Variants in TPO observed in about 807,000 individuals in gnomAD.
TPO encodes the protein thyroid peroxidase.
Under a neutral mutation model 96.9 loss-of-function variants are expected in TPO, and 78 were observed. The ratio of observed to expected loss-of-function variants is 0.81; its 90% CI spans 0.67 to 0.97. The LOEUF (loss-of-function observed/expected upper bound fraction) is 0.97, where lower values mean the gene tolerates loss of function less well. TPO is among the 50% of genes least tolerant of loss of function. The pLI, the probability that TPO is intolerant of heterozygous loss-of-function variation, is 0.00. For missense variants in TPO, 1,252 were observed against 1,274.8 expected (o/e 0.98, Z 0.27); for synonymous variants, 547 against 538.0 (o/e 1.02, Z -0.23).
chr2:1,480,096 T>C (rs572027937), intron 8 of TPO, among the ~76,000 whole-genome samples: 3 of 152,234 alleles, frequency 2.0e-5, no homozygotes, highest in Non-Finnish European at 4.4e-5. Context: ...TTTCTTATTA[T>C]TAATGAAATA....
At position 1,425,842 on chromosome 2, in the gene TPO, A is replaced by G. The variant is rs1216373318; in HGVS notation, c.179+2713A>G. On this transcript the variant is annotated intron_variant, in intron 3 of 16. Coordinates refer to ENST00000329066, the MANE Select transcript of TPO (RefSeq NM_001206744.2). ...CTGTAAAGTCATTGTTCTAGATGCC[A>G]GGATACAGAGATGAGTTCGATCATT... Among the ~76,000 whole-genome samples the G allele has an allele frequency of 3.4e-4, 51 of 149,328 alleles. 1 individual carries two copies. The highest frequency in any genetic ancestry group is 1.1e-3 in the South Asian group (5 of 4,586).
At chr2:1,500,632 A>G (rs568179380) in intron 13 of TPO, among the ~76,000 whole-genome samples, 2 of 152,304 alleles carry the variant, frequency 1.3e-5, no homozygotes, top group African/African-American at 4.8e-5. Flanking sequence ...TCTCTTCTCT[A>G]TTCAAATTCT....
intron 6 of TPO, among the ~76,000 whole-genome samples, chr2:1,455,565 C>T (rs765842443): frequency 3.9e-5 from 6 of 152,146 alleles, no homozygotes; most frequent in South Asian, 2.1e-4. Flanking sequence ...CCTGGCGGAA[C>T]GGTGTTAAAC....
At chr2:1,509,973 C>A (rs767760228) in intron 14 of TPO, among the ~76,000 whole-genome samples, 4 of 148,514 alleles carry the variant, frequency 2.7e-5, no homozygotes, top group Middle Eastern at 7.7e-3. Context: ...GATACCCTCT[C>A]GTTTCAGGGA....
At chr2:1,391,185 T>C (rs1661995065) in intron 1 of TPO, among the ~76,000 whole-genome samples, 2 of 152,218 alleles carry the variant, frequency 1.3e-5, no homozygotes, top group Admixed American at 1.3e-4. Context: ...AAGTCTTTAA[T>C]CCATCTTGAA....
intron 1 of TPO, among the ~76,000 whole-genome samples, chr2:1,390,606 C>G (rs946564945): frequency 6.6e-6 from 1 of 152,222 alleles, no homozygotes; most frequent in Admixed American, 6.5e-5. Flanking sequence ...GATCGCCACA[C>G]TGTCTTCCAC....
At chr2:1,478,269 C>T in intron 8 of TPO, 1 of 985,460 alleles carries the variant, frequency 1.0e-6, no homozygotes, top group Non-Finnish European at 1.2e-6. Flanking sequence ...AATGCGGTCC[C>T]TGACTCTAGG....
chr2:1,401,001 T>A (rs567091033), intron 1 of TPO, among the ~76,000 whole-genome samples: 2 of 152,356 alleles, frequency 1.3e-5, no homozygotes, highest in South Asian at 4.1e-4. Flanking sequence ...CATAGTCTCC[T>A]GTGCTGACTT....
chr2:1,530,490 TC>T (rs1677843433), intron 15 of TPO, among the ~76,000 whole-genome samples: 3 of 34,330 alleles, frequency 8.7e-5, no homozygotes, highest in African/African-American at 1.2e-4. Flanking sequence ...CAAATCCCCC[TC>T]ACTCTGTGCA....
At chr2:1,401,899 G>A (rs1238664601) in intron 1 of TPO, among the ~76,000 whole-genome samples, 1 of 152,170 alleles carries the variant, frequency 6.6e-6, no homozygotes, top group African/African-American at 2.4e-5. Context: ...TATAGGTTAG[G>A]AGTCAAAGGG....
Position 1,496,615 on chromosome 2 carries a change from G to T in TPO, c.2236G>T (p.Glu746Ter). The T allele has an allele frequency of 1.2e-6, 2 of 1,614,044 alleles. No individual in the cohort carries two copies. Among genetic ancestry groups the T allele is most frequent in the Non-Finnish European group, 1.7e-6 (2 of 1,180,034 alleles). Residue 746 changes from glutamate to a stop codon, truncating the protein, a stop_gained, in exon 13 of 17, where the codon GAG becomes TAG. Transcript: ENST00000329066. LOFTEE classifies it high-confidence loss of function. The stretch of plus-strand genomic sequence containing the variant: ...CATAGACGACAAGTGTGGCTTCCCA[G>T]AGAGCGTGGAGAATGGGGACTTTGT... Reference protein sequence around the residue: ...FPQDDKCGFPESVENGDFVHC... With the variant: ...FPQDDKCGFP
Position 1,494,444 on chromosome 2 carries a change from G to T in TPO, c.2006+405G>T, listed in dbSNP as rs28991273. On this transcript the variant is annotated intron_variant, in intron 11 of 16. Transcript: ENST00000329066. ...GACACAGGCCATGCCCGGTGCTCATGGATGCCTCTAGGCTGGACAGGACTT... is the reference window on the plus strand; with the variant it reads ...GACACAGGCCATGCCCGGTGCTCATTGATGCCTCTAGGCTGGACAGGACTT... Among the ~76,000 whole-genome samples, 165 of 152,334 alleles carry T rather than the reference G, an allele frequency of 1.1e-3. 2 individuals carry two copies. The East Asian group carries it at 0.029, about 27-fold the overall frequency.
chr2:1,492,091 C>A (rs774654002), intron 10 of TPO, among the ~76,000 whole-genome samples: 4 of 152,168 alleles, frequency 2.6e-5, no homozygotes, highest in Non-Finnish European at 5.9e-5. Context: ...AACCAGGGAG[C>A]CACCTGCTAA....
At chr2:1,542,257 G>C in intron 16 of TPO, 164 bp from the exon 17 acceptor site, 1 of 990,314 alleles carries the variant, frequency 1.0e-6, no homozygotes, top group Non-Finnish European at 1.5e-6. Context: ...CCGGAAGCCA[G>C]AAACTTCCCT....
In TPO at chr2:1,413,951, T is replaced by G. The variant is rs546977811; in HGVS notation, c.-2+406T>G. ...ATCATTTTATGGACATAAGAATGCT[T>G]TAAGAAATTCAATAGGCATTTAGGG... is the stretch of plus-strand genomic sequence containing the variant. On this transcript the variant is annotated intron_variant, in intron 1 of 16. Transcript: ENST00000329066. 5.9e-5 allele frequency among the ~76,000 whole-genome samples: 9 copies of G among 152,346 alleles called. No homozygotes were observed. In the South Asian group the frequency reaches 1.9e-3, roughly 32 times the overall value.
chr2:1,433,197 C>A (rs1390634819), intron 3 of TPO, among the ~76,000 whole-genome samples: 1 of 152,184 alleles, frequency 6.6e-6, no homozygotes, highest in African/African-American at 2.4e-5. Context: ...AAGGGCAAGT[C>A]TGTGCCATTT....
At chr2:1,464,546 A>G (rs1668726965) in intron 7 of TPO, among the ~76,000 whole-genome samples, 1 of 152,150 alleles carries the variant, frequency 6.6e-6, no homozygotes, top group African/African-American at 2.4e-5. Flanking sequence ...CCTTTTCACC[A>G]TATCCACACC....
chr2:1,409,791 C>CGT (rs1429434379), upstream of TPO, among the ~76,000 whole-genome samples: 9 of 102,730 alleles, frequency 8.8e-5, no homozygotes, highest in East Asian at 3.2e-4. Flanking sequence ...AAAAACAGTG[C>CGT]GCGCACACAC....
chr2:1,487,894 C>T lies in TPO; in HGVS notation c.1671C>T (p.Asn557=), dbSNP rs145033652. 3.7e-4 allele frequency: 592 copies of T among 1,614,196 alleles called. 3 individuals are homozygous for T. The African/African-American group carries it at 7.4e-3, about 20-fold the overall frequency. ...TGCAGGTGCAGGATCAGCTGATGAA[C>T]GAGGAGCTGACGGAAAGGCTCTTTG... ...AKLQVQDQLM[N]EELTERLFVL... is the part of the protein sequence containing the mutation. The change falls in exon 10 of 17, where the codon AAC becomes AAT. Residue 557 remains asparagine, a synonymous_variant. Transcript: ENST00000329066.
Sources: gnomAD v4.1 joint callset for allele counts (sites outside exome capture counted in the v4.1 genomes callset) on GRCh38, gnomAD v4.1.1 for gene constraint, MANE v1.5 for transcripts, NCBI Gene and HGNC (gene_info 2026-07-23, HGNC 2026-07-21) for gene names.